The following HMGB1 variants were observed in gnomAD, a reference collection of about 807,000 sequenced individuals.
HMGB1 encodes high mobility group protein B1.
For synonymous variants in HMGB1, 81 were observed against 84.0 expected (o/e 0.96, Z 0.19); for missense variants, 79 against 253.5 (o/e 0.31, Z 4.67).
intron 1 of HMGB1, among the ~76,000 whole-genome samples, chr13:30,596,739 G>A (rs143396620): frequency 2.6e-5 from 4 of 152,268 alleles, no homozygotes; most frequent in Admixed American, 6.5e-5. Flanking sequence ...GATACAGAAC[G>A]GAATACACTA....
chr13:30,528,129 G>A (rs185976791), intron 1 of HMGB1, among the ~76,000 whole-genome samples: 172 of 152,328 alleles, frequency 1.1e-3, no homozygotes, highest in African/African-American at 4.0e-3. Context: ...GTGCTGCAGC[G>A]CCAGTGACCA....
chr13:30,503,159 AC>A (rs68183080), intron 1 of HMGB1, among the ~76,000 whole-genome samples: 71,958 of 150,704 alleles, frequency 0.48, 18,784 homozygotes, highest in South Asian at 0.57. Context: ...ACATAGTGAA[AC>A]CCCGTCTCTA....
At chr13:30,538,677 T>C (rs1343265362) in intron 1 of HMGB1, among the ~76,000 whole-genome samples, 1 of 26,560 alleles carries the variant, frequency 3.8e-5, no homozygotes, top group South Asian at 1.5e-3. Flanking sequence ...TCTTTCTTTC[T>C]TTCTTTCCTT....
chr13:30,563,818 C>T (rs932715538), intron 1 of HMGB1, among the ~76,000 whole-genome samples: 1 of 152,146 alleles, frequency 6.6e-6, no homozygotes, highest in African/African-American at 2.4e-5. Flanking sequence ...GATAAAGATG[C>T]CTCATTGCTA....
At chr13:30,462,827 A>G in intron 3 of HMGB1, 115 bp from the exon 4 acceptor site, 1 of 795,730 alleles carries the variant, frequency 1.3e-6, no homozygotes, top group Non-Finnish European at 2.0e-6. Flanking sequence ...GATGCATTGG[A>G]CAGGGTGCAA....
intron 1 of HMGB1, among the ~76,000 whole-genome samples, chr13:30,616,423 T>G (rs1004389031): frequency 6.6e-6 from 1 of 152,260 alleles, no homozygotes; most frequent in African/African-American, 2.4e-5. Context: ...ACCAATTGTT[T>G]TGTTCAATTT....
chr13:30,538,704 T>TC (rs769838161), intron 1 of HMGB1, among the ~76,000 whole-genome samples: 1 of 121,050 alleles, frequency 8.3e-6, no homozygotes, highest in South Asian at 2.4e-4. Flanking sequence ...TTTCTTTCTT[T>TC]TTCTTTCTTT....
intron 1 of HMGB1, among the ~76,000 whole-genome samples, chr13:30,568,485 G>T (rs1039031433): frequency 2.6e-5 from 4 of 152,154 alleles, no homozygotes; most frequent in Non-Finnish European, 5.9e-5. Flanking sequence ...TCCAGCCTGG[G>T]TGACAGAGTC....
intron 1 of HMGB1, among the ~76,000 whole-genome samples, chr13:30,551,155 C>A (rs1869409941): frequency 6.6e-6 from 1 of 152,118 alleles, no homozygotes; most frequent in South Asian, 2.1e-4. Context: ...TATCGAATAC[C>A]TACTATAATG....
intron 1 of HMGB1, among the ~76,000 whole-genome samples, chr13:30,490,621 G>GA (rs35989221): frequency 0.48 from 64,092 of 134,904 alleles, 16,225 homozygotes; most frequent in Non-Finnish European, 0.58. Flanking sequence ...TGTCTGAACA[G>GA]AAAAAAAAAA....
chr13:30,520,907 A>G (rs185232992), intron 1 of HMGB1, among the ~76,000 whole-genome samples: 35 of 152,228 alleles, frequency 2.3e-4, no homozygotes, highest in African/African-American at 8.2e-4. Flanking sequence ...CTCTTTTCCC[A>G]TAAACATTTG....
At chr13:30,577,236 A>G (rs923503925) in intron 1 of HMGB1, among the ~76,000 whole-genome samples, 1 of 151,250 alleles carries the variant, frequency 6.6e-6, no homozygotes, top group Non-Finnish European at 1.5e-5. Context: ...GCTCCTCAGG[A>G]GGCTGAGGCA....
chr13:30,572,795 T>G (rs1349023457), intron 1 of HMGB1, among the ~76,000 whole-genome samples: 2 of 152,230 alleles, frequency 1.3e-5, no homozygotes, highest in Non-Finnish European at 1.5e-5. Flanking sequence ...AAAGAGACCG[T>G]GATTACCCTT....
intron 1 of HMGB1, among the ~76,000 whole-genome samples, chr13:30,480,095 A>G (rs573739466): frequency 6.6e-6 from 1 of 152,246 alleles, no homozygotes; most frequent in South Asian, 2.1e-4. Flanking sequence ...CTAAAACCCA[A>G]TCTCTCCTTT....
intron 1 of HMGB1, among the ~76,000 whole-genome samples, chr13:30,534,213 A>C (rs1254963432): frequency 6.6e-6 from 1 of 152,194 alleles, no homozygotes. Flanking sequence ...ATGACCGTCC[A>C]AATTCCTCAT....
At chr13:30,538,748 T>TCC (rs1324780444) in intron 1 of HMGB1, among the ~76,000 whole-genome samples, 40 of 149,162 alleles carry the variant, frequency 2.7e-4, no homozygotes, top group African/African-American at 9.5e-4. Context: ...CTTTCTTCTT[T>TCC]TTCTTTCTTT....
At chr13:30,464,449 G>T in intron 1 of HMGB1, 1 of 985,294 alleles carries the variant, frequency 1.0e-6, no homozygotes, top group South Asian at 4.7e-5. Context: ...CGTGAAAGTT[G>T]GGGTGACTCC....
At chr13:30,585,123 C>T (rs1404910111) in intron 1 of HMGB1, among the ~76,000 whole-genome samples, 1 of 151,462 alleles carries the variant, frequency 6.6e-6, no homozygotes, top group African/African-American at 2.4e-5. Context: ...GCACTCCAGC[C>T]TGGGCTACAG....
At chr13:30,598,736 G>A (rs890844180) in intron 1 of HMGB1, among the ~76,000 whole-genome samples, 6 of 152,102 alleles carry the variant, frequency 3.9e-5, no homozygotes, top group Non-Finnish European at 7.4e-5. Flanking sequence ...AGGATAAGAC[G>A]ACTCTTTTAA....
Sources: allele counts gnomAD v4.1 joint callset (sites outside exome capture counted in the v4.1 genomes callset), GRCh38; gene constraint gnomAD v4.1.1; transcripts MANE v1.5; gene names NCBI Gene and HGNC (gene_info 2026-07-23, HGNC 2026-07-21).